Variants in KLC1 observed in about 807,000 individuals in gnomAD.
KLC1 encodes kinesin 2 60/70kDa.
In KLC1, 30 loss-of-function variants were observed where a neutral mutation model predicts 84.2. That is an observed-to-expected ratio of 0.36 (90% confidence interval 0.27 to 0.48). The LOEUF (loss-of-function observed/expected upper bound fraction) is 0.48. Ranked by LOEUF, KLC1 falls within the 20% of genes least tolerant of loss-of-function variation. The pLI is 0.99. For missense variants in KLC1, 499 were observed against 805.4 expected (o/e 0.62, Z 4.60); for synonymous variants, 289 against 293.3 (o/e 0.99, Z 0.15).
At chr14:103,639,586 G>T (rs1029410325) in intron 1 of KLC1, among the ~76,000 whole-genome samples, 1 of 151,834 alleles carries the variant, frequency 6.6e-6, no homozygotes, top group African/African-American at 2.4e-5. Flanking sequence ...GGGACCACAG[G>T]CGTGTGCCAC....
chr14:103,687,551 T>C (rs1320957227), intron 14 of KLC1: 3 of 155,700 alleles, frequency 1.9e-5, no homozygotes, highest in Non-Finnish European at 2.9e-5. Flanking sequence ...ACTCTAGATA[T>C]GCATTATTTT....
intron 2 of KLC1, among the ~76,000 whole-genome samples, chr14:103,656,911 C>T (rs1371665470): frequency 4.6e-5 from 7 of 152,188 alleles, no homozygotes; most frequent in Non-Finnish European, 7.3e-5. Flanking sequence ...CTCTTATGCT[C>T]CTAGGAACTT....
At chr14:103,675,629 T>A in intron 10 of KLC1, 28 bp downstream of exon 10, 2 of 1,604,950 alleles carry the variant, frequency 1.2e-6, no homozygotes, top group Non-Finnish European at 1.7e-6. Context: ...TGAGATTTTC[T>A]AAATTGTATA....
intron 2 of KLC1, among the ~76,000 whole-genome samples, chr14:103,655,803 A>G (rs1307553976): frequency 6.6e-6 from 1 of 152,150 alleles, no homozygotes; most frequent in Non-Finnish European, 1.5e-5. Flanking sequence ...AGAAACTAAA[A>G]TGTTGGCCAG....
chr14:103,656,072 G>A (rs1335946257), intron 2 of KLC1, among the ~76,000 whole-genome samples: 1 of 152,210 alleles, frequency 6.6e-6, no homozygotes, highest in Non-Finnish European at 1.5e-5. Context: ...CCTGTCTTGG[G>A]GACTGAGAGT....
At chr14:103,633,642 C>T (rs1354937201) in intron 1 of KLC1, among the ~76,000 whole-genome samples, 1 of 152,004 alleles carries the variant, frequency 6.6e-6, no homozygotes, top group East Asian at 1.9e-4. Flanking sequence ...TGAGTCACTC[C>T]TCTGTTAAAG....
At chr14:103,696,465 T>C (rs887708416) in intron 15 of KLC1, 2 of 984,316 alleles carry the variant, frequency 2.0e-6, no homozygotes, top group South Asian at 4.7e-5. Context: ...ACATTGCTAA[T>C]GATGTATCGT....
chr14:103,699,164 C>A, intron 15 of KLC1: 1 of 1,568,778 alleles, frequency 6.4e-7, no homozygotes, highest in East Asian at 2.3e-5. Context: ...CCCTGCTCCT[C>A]CATGGCCTCT....
chr14:103,673,063 C>T lies in KLC1; in HGVS notation c.1037C>T (p.Ala346Val). ...PDVAKQLNNL[A>V]LLCQNQGKYE... ...GTTGCCAAGCAGTTAAATAACTTGG[C>T]CTTACTGTGCCAGAACCAGGGCAAG... Residue 346 changes from alanine to valine, a missense_variant, in exon 8 of 17, where the codon GCC (alanine) becomes GTC (valine). Around this residue, in one of 3 missense-constraint regions of KLC1, gnomAD observed 153 missense variants for 332.4 expected, o/e 0.46. Transcript: ENST00000334553. The T allele has an allele frequency of 6.2e-7, 1 of 1,613,864 alleles. No homozygotes were observed. The highest frequency in any genetic ancestry group is 8.5e-7 in the Non-Finnish European group (1 of 1,179,974).
At chr14:103,657,511 G>A (rs753815314) in intron 2 of KLC1, 35 bp from the exon 3 acceptor site, 16 of 1,564,372 alleles carry the variant, frequency 1.0e-5, no homozygotes, top group South Asian at 4.5e-5. Flanking sequence ...GCTGGACAAC[G>A]TGCCACAGTG....
Position 103,670,208 on chromosome 14 carries a change from A to G in KLC1, c.912A>G (p.Ala304=), listed in dbSNP as rs1021158530. 9 of 1,613,474 alleles carry G rather than the reference A, an allele frequency of 5.6e-6. No individual in the cohort carries two copies. Among genetic ancestry groups the G allele is most frequent in the Non-Finnish European group, 6.8e-6 (8 of 1,179,552 alleles). The change falls in exon 7 of 17, where the codon GCA becomes GCG. Residue 304 remains alanine (A), a synonymous_variant. Transcript: ENST00000334553. The part of the protein sequence containing the change: ...PAVAATLNNL[A]VLYGKRGKYK... ...TGGCGGCGACTTTGAATAACCTTGC[A>G]GTCCTTTATGGTAAAAGAGGGAAGT...
chr14:103,654,466 CT>C, intron 1 of KLC1, 97 bp from the exon 2 acceptor site: 7 of 879,438 alleles, frequency 8.0e-6, no homozygotes, highest in Non-Finnish European at 1.0e-5. Context: ...TATTATTCCC[CT>C]ATAAAATGTT....
At position 103,693,853 on chromosome 14, in the gene KLC1, G is replaced by T; in HGVS notation, c.1848+1428G>T. On this transcript the variant is annotated intron_variant, in intron 15 of 16. Coordinates refer to ENST00000334553, the MANE Select transcript of KLC1 (RefSeq NM_001394837.1). The surrounding 1 kb of genome is among the most constrained non-coding windows in gnomAD (Gnocchi z 5.1). ...AGCCACCCCGACCGCGACCCGGCCA[G>T]GCTGGCTCAGGGAGGCCGAGGTGGC... 1 of 1,378,954 alleles carries T rather than the reference G, an allele frequency of 7.3e-7. No individual in the cohort carries two copies. Among genetic ancestry groups the T allele is most frequent in the Non-Finnish European group, 9.4e-7 (1 of 1,069,016 alleles). The allele number at this position is 1,378,954 out of a possible 1,614,324, so 85.4% of individuals were successfully genotyped here. A position where few individuals can be genotyped will look rare whatever the true frequency, so the allele number is the denominator to read the frequency against.
rs187053437 is a variant in KLC1 at position 103,632,379 on chromosome 14, C to G, written c.-2+2885C>G. On this transcript the variant is annotated intron_variant, in intron 1 of 16. Transcript: ENST00000334553. ...AGTGGAGGTTGTAGTGAGCCGAGAT[C>G]ACGTCACTGCAGTCCAGCCAGACTC... is the stretch of plus-strand genomic sequence containing the variant. Among the ~76,000 whole-genome samples the G allele has an allele frequency of 5.3e-5, 8 of 151,942 alleles. No individual in the cohort carries two copies. In the East Asian group the frequency reaches 1.5e-3, roughly 29 times the overall value.
chr14:103,682,173 A>G (rs2081396534), intron 13 of KLC1, among the ~76,000 whole-genome samples: 1 of 151,994 alleles, frequency 6.6e-6, no homozygotes, highest in African/African-American at 2.4e-5. Flanking sequence ...GATCGAGACT[A>G]TCCTGGCCAA....
At chr14:103,666,309 C>G (rs900123898) in intron 5 of KLC1, among the ~76,000 whole-genome samples, 1 of 152,012 alleles carries the variant, frequency 6.6e-6, no homozygotes, top group Admixed American at 6.6e-5. Context: ...GTGATCCACC[C>G]GCCTTGGCCT....
At chr14:103,691,750 C>T (rs1567041321) in intron 14 of KLC1, among the ~76,000 whole-genome samples, 1 of 151,950 alleles carries the variant, frequency 6.6e-6, no homozygotes, top group East Asian at 1.9e-4. Flanking sequence ...GTGTGAGCCA[C>T]TGCAGCTGGT....
At chr14:103,662,590 TG>T in intron 4 of KLC1, 111 bp from the exon 5 acceptor site, 1 of 820,152 alleles carries the variant, frequency 1.2e-6, no homozygotes, top group Non-Finnish European at 1.9e-6. Flanking sequence ...TAAATAGCAC[TG>T]GGGGCCAAGT....
intron 1 of KLC1, among the ~76,000 whole-genome samples, chr14:103,639,433 T>C (rs957093263): frequency 6.7e-6 from 1 of 150,192 alleles, no homozygotes; most frequent in African/African-American, 2.5e-5. Flanking sequence ...GCCTGGCTCT[T>C]TCTTGTCTTT....
Sources: gnomAD v4.1 joint callset for allele counts (sites outside exome capture counted in the v4.1 genomes callset) on GRCh38, gnomAD v4.1.1 for gene constraint, gnomAD v4.1.1 regional missense constraint, Gnocchi (gnomAD v3.1) non-coding constraint, MANE v1.5 for transcripts, NCBI Gene and HGNC (gene_info 2026-07-23, HGNC 2026-07-21) for gene names.